Variants in AP2A2 observed in about 807,000 individuals in gnomAD.
The protein encoded by AP2A2 is adaptor related protein complex 2 subunit alpha 2.
In AP2A2, 32 loss-of-function variants were observed where a neutral mutation model predicts 104.2. The ratio of observed to expected loss-of-function variants is 0.31; its 90% confidence interval spans 0.23 to 0.41. The LOEUF (loss-of-function observed/expected upper bound fraction) is 0.41. Among genes scored for constraint, AP2A2 ranks in the 10% least tolerant of loss-of-function variants. The probability of loss-of-function intolerance (pLI) is 1.00; values close to 1 mark genes in which losing one functional copy is unlikely to be tolerated. For synonymous variants in AP2A2, 539 were observed against 533.3 expected (o/e 1.01, Z -0.15); for missense variants, 912 against 1,261.0 (o/e 0.72, Z 4.19).
At chr11:965,460 A>G (rs1179436697) in intron 2 of AP2A2, among the ~76,000 whole-genome samples, 2 of 152,238 alleles carry the variant, frequency 1.3e-5, no homozygotes, top group Non-Finnish European at 2.9e-5. Context: ...TGTGATCTTT[A>G]TCCTTTAATG....
chr11:973,653 G>A (rs1854910083), intron 4 of AP2A2, among the ~76,000 whole-genome samples: 1 of 145,816 alleles, frequency 6.9e-6, no homozygotes, highest in African/African-American at 2.5e-5. Flanking sequence ...AAGATGGAAG[G>A]AAGGCTCGAA....
At position 1,011,342 on chromosome 11, in the gene AP2A2, G is replaced by A. The variant is rs751395357; in HGVS notation, c.*717G>A. The A allele has an allele frequency of 5.8e-6, 3 of 518,648 alleles. No homozygotes were observed. The highest frequency in any genetic ancestry group is 4.2e-5 in the South Asian group (3 of 71,570). The allele number at this position is 518,648 out of a possible 1,614,324, so 32.1% of individuals were successfully genotyped here. On this transcript the variant is annotated 3_prime_UTR_variant, in exon 22 of 22. Transcript: ENST00000448903. ...TCCTGCCGGCCCCGCAGGGCCCCCA[G>A]GACTCCAGGGTAAAGTGTGGGCCGG...
chr11:979,697 G>T (rs1253105070), intron 5 of AP2A2, among the ~76,000 whole-genome samples: 1 of 152,196 alleles, frequency 6.6e-6, no homozygotes, highest in Non-Finnish European at 1.5e-5. Flanking sequence ...GAGTAGCTGG[G>T]ATTACAGGCG....
chr11:966,741 G>A (rs905472349), intron 2 of AP2A2, among the ~76,000 whole-genome samples: 5 of 152,142 alleles, frequency 3.3e-5, no homozygotes, highest in African/African-American at 1.2e-4. Context: ...CAGTGCCTCT[G>A]GCTGGTGACC....
intron 1 of AP2A2, 50 bp downstream of exon 1, chr11:926,138 C>A: frequency 2.6e-6 from 3 of 1,162,792 alleles, no homozygotes; most frequent in Non-Finnish European, 3.3e-6. Flanking sequence ...CCGGCGGAGA[C>A]GGGGTCTGGG....
intron 5 of AP2A2, among the ~76,000 whole-genome samples, chr11:978,179 C>T (rs891019861): frequency 1.3e-5 from 2 of 152,158 alleles, no homozygotes; most frequent in African/African-American, 4.8e-5. Context: ...AGGGCCTGGT[C>T]AGGGAGGCAG....
Position 1,010,646 on chromosome 11 carries a change from G to C in AP2A2, c.*21G>C. 1.3e-6 allele frequency: 2 copies of C among 1,565,348 alleles called. No individual in the cohort carries two copies. The highest frequency in any genetic ancestry group is 1.7e-6 in the Non-Finnish European group (2 of 1,150,942). On this transcript the variant is annotated 3_prime_UTR_variant, in exon 22 of 22. Coordinates refer to ENST00000448903, the MANE Select transcript of AP2A2 (RefSeq NM_012305.4). Reference sequence around the variant, plus strand: ...TTTAGTCCTGAGGATGGAAGACCAGGCTCGTGTGTCTTGTGTTGTCTTCGT... The same window carrying C: ...TTTAGTCCTGAGGATGGAAGACCAGCCTCGTGTGTCTTGTGTTGTCTTCGT...
At chr11:947,142 C>G (rs1234402128) in intron 1 of AP2A2, among the ~76,000 whole-genome samples, 2 of 151,626 alleles carry the variant, frequency 1.3e-5, no homozygotes, top group Non-Finnish European at 2.9e-5. Context: ...TTTTGAGTAG[C>G]TGGGATTACA....
intron 1 of AP2A2, among the ~76,000 whole-genome samples, chr11:950,150 G>A (rs1853998230): frequency 6.6e-6 from 1 of 152,084 alleles, no homozygotes; most frequent in African/African-American, 2.4e-5. Flanking sequence ...AACAAATGGT[G>A]CTGGGATGAC....
At chr11:935,016 G>T (rs977606691) in intron 1 of AP2A2, among the ~76,000 whole-genome samples, 1 of 150,584 alleles carries the variant, frequency 6.6e-6, no homozygotes, top group Admixed American at 6.6e-5. Flanking sequence ...GCACCACCAT[G>T]CCCGGCTAAT....
chr11:972,872 G>T (rs560947655), intron 4 of AP2A2, among the ~76,000 whole-genome samples: 1 of 152,386 alleles, frequency 6.6e-6, no homozygotes, highest in South Asian at 2.1e-4. Flanking sequence ...GCTCCTCCTC[G>T]TGCCCGTTCC....
At position 965,318 on chromosome 11, in the gene AP2A2, T is replaced by C. The variant is rs145566754; in HGVS notation, c.137-4851T>C. Among the ~76,000 whole-genome samples, 173 of 152,150 alleles carry C rather than the reference T, an allele frequency of 1.1e-3. 1 individual carries two copies. Among genetic ancestry groups the C allele is most frequent in the Non-Finnish European group, 1.7e-3 (117 of 67,940 alleles). On this transcript the variant is annotated intron_variant, in intron 2 of 21. Transcript: ENST00000448903. ...AATGGGCAGGACAGCGGGAGATGTG[T>C]AGGTAACGCCAGTGTGTTGTGTCTC...
chr11:985,431 G>A lies in AP2A2; in HGVS notation c.815-4G>A, dbSNP rs1855418073. ...GGTGAGCACCGTTCTGTCTTGCCCA[G>A]AAGACCCTGCAGTGCGAGGCCGCCT... On this transcript the variant is annotated splice_region_variant and splice_polypyrimidine_tract_variant and intron_variant, in intron 7 of 21. Coordinates refer to ENST00000448903, the MANE Select transcript of AP2A2 (RefSeq NM_012305.4). The A allele has an allele frequency of 6.2e-7, 1 of 1,613,524 alleles. No homozygotes were observed.
chr11:990,638 C>G (rs577064362), intron 10 of AP2A2, among the ~76,000 whole-genome samples: 21 of 152,178 alleles, frequency 1.4e-4, no homozygotes, highest in Non-Finnish European at 2.1e-4. Flanking sequence ...GATGCTCCCC[C>G]CAGCCCGTCC....
At position 983,528 on chromosome 11, in the gene AP2A2, G is replaced by A. The variant is rs1449609116; in HGVS notation, c.706-1117G>A. Among the ~76,000 whole-genome samples, 7 of 151,978 alleles carry A rather than the reference G, an allele frequency of 4.6e-5. No individual in the cohort carries two copies. In the East Asian group the frequency reaches 7.8e-4, roughly 17 times the overall value. On this transcript the variant is annotated intron_variant, in intron 6 of 21. Transcript: ENST00000448903. ...CTCTCGAGTAGCTGGGACTACAGGCGCCCGCCACCATGCCTGGCTAATTTT... is the reference window on the plus strand; with the variant it reads ...CTCTCGAGTAGCTGGGACTACAGGCACCCGCCACCATGCCTGGCTAATTTT...
At chr11:956,508 A>G (rs1181752995) in intron 1 of AP2A2, among the ~76,000 whole-genome samples, 2 of 152,208 alleles carry the variant, frequency 1.3e-5, no homozygotes, top group Non-Finnish European at 2.9e-5. Flanking sequence ...TTTTGCACAC[A>G]ACTCACCTTA....
rs572039975 is a variant in AP2A2, at chr11:985,076, C to T, written c.814+323C>T. Reference sequence around the variant, plus strand: ...TCAGCTCACTGCAACCTCTGCCTCCCGGGTTCAAGCGATTCTCCCACCTCA... The same window carrying T: ...TCAGCTCACTGCAACCTCTGCCTCCTGGGTTCAAGCGATTCTCCCACCTCA... On this transcript the variant is annotated intron_variant, in intron 7 of 21. Transcript: ENST00000448903. Among the ~76,000 whole-genome samples, 20 of 152,278 alleles carry T rather than the reference C, an allele frequency of 1.3e-4. No individual in the cohort carries two copies. The East Asian group carries it at 1.4e-3, about 10-fold the overall frequency.
intron 10 of AP2A2, among the ~76,000 whole-genome samples, chr11:989,287 T>G (rs1012476430): frequency 3.3e-5 from 5 of 151,814 alleles, no homozygotes; most frequent in African/African-American, 1.2e-4. Flanking sequence ...GAGCCGAGAT[T>G]GCGCCATTGC....
intron 8 of AP2A2, among the ~76,000 whole-genome samples, chr11:986,174 A>G (rs1855448954): frequency 6.6e-6 from 1 of 152,264 alleles, no homozygotes; most frequent in Non-Finnish European, 1.5e-5. Flanking sequence ...CCAGGCTCCC[A>G]ATAATGAGGG....
Sources: allele counts gnomAD v4.1 joint callset (sites outside exome capture counted in the v4.1 genomes callset), GRCh38; gene constraint gnomAD v4.1.1; transcripts MANE v1.5; gene names NCBI Gene and HGNC (gene_info 2026-07-23, HGNC 2026-07-21).